Variants in BTF3 observed in about 807,000 individuals in gnomAD.
BTF3 encodes transcription factor BTF3.
A neutral mutation model predicts 23.9 loss-of-function variants in BTF3; 12 were observed. The observed-to-expected ratio is 0.50, with a 90% confidence interval of 0.32 to 0.81. BTF3 has a LOEUF of 0.81. BTF3 is among the 40% of genes least tolerant of loss of function. The pLI, the probability that BTF3 is intolerant of heterozygous loss-of-function variation, is 0.03. For synonymous variants in BTF3, 96 were observed against 94.8 expected, an observed-to-expected ratio of 1.01 and a Z score of -0.07; for missense variants, 215 against 255.9, an observed-to-expected ratio of 0.84 and a Z score of 1.09.
At chr5:73,503,607 T>C (rs1446387389) in intron 4 of BTF3, among the ~76,000 whole-genome samples, 4 of 152,204 alleles carry the variant, frequency 2.6e-5, no homozygotes, top group Non-Finnish European at 4.4e-5. Context: ...GATGTGGCAG[T>C]GTTATGCTGT....
At chr5:73,504,946 A>C in intron 5 of BTF3, 1 of 391,930 alleles carries the variant, frequency 2.6e-6, no homozygotes, top group Non-Finnish European at 4.5e-6. Flanking sequence ...GAATCCAGGA[A>C]AATTTTAACA....
chr5:73,498,447 T>C lies in BTF3; in HGVS notation c.-221T>C, dbSNP rs1746332126. 3.7e-6 allele frequency: 2 copies of C among 534,484 alleles called. No homozygotes were observed. Among genetic ancestry groups the C allele is most frequent in the Non-Finnish European group, 6.1e-6 (2 of 330,044 alleles). The allele number at this position is 534,484 out of a possible 1,614,324, so 33.1% of individuals were successfully genotyped here. A position where few individuals can be genotyped will look rare whatever the true frequency, so the allele number is the denominator to read the frequency against. On this transcript the variant is annotated 5_prime_UTR_variant, in exon 1 of 6. Coordinates refer to ENST00000380591, the MANE Select transcript of BTF3 (RefSeq NM_001037637.2). ...CCTTGTGTCACTTCCGGCCTCCCTT[T>C]AGCTGCCATCTTGCGTCCCCGCGTG...
intron 1 of BTF3, 83 bp from the exon 2 acceptor site, chr5:73,499,051 C>A: frequency 1.4e-6 from 2 of 1,420,080 alleles, no homozygotes; most frequent in East Asian, 2.3e-5. Context: ...GTTTATTTTC[C>A]TGCTGGTATC....
At chr5:73,502,158 C>CA (rs148360172) in intron 2 of BTF3, among the ~76,000 whole-genome samples, 2,463 of 76,436 alleles carry the variant, frequency 0.032, 54 homozygotes, top group African/African-American at 0.036. Context: ...GACCCTGTCT[C>CA]AAAAAAAAAA....
At chr5:73,504,267 C>G (rs201496691) in intron 4 of BTF3, 80 bp from the exon 5 acceptor site, 1 of 122,774 alleles carries the variant, frequency 8.1e-6, no homozygotes, top group Admixed American at 1.6e-4. Context: ...TTCATCTGTT[C>G]TTTTTTTTTT....
intron 2 of BTF3, among the ~76,000 whole-genome samples, chr5:73,502,047 C>G (rs1746448014): frequency 6.6e-6 from 1 of 151,350 alleles, no homozygotes; most frequent in Non-Finnish European, 1.5e-5. Context: ...GCCTGTAATC[C>G]CAGCTACTCG....
intron 4 of BTF3, 83 bp from the exon 5 acceptor site, chr5:73,504,264 G>GTTTTTTTTTT (rs1746503271): frequency 1.7e-5 from 7 of 405,970 alleles, no homozygotes; most frequent in Admixed American, 8.1e-5. Flanking sequence ...CATTTCATCT[G>GTTTTTTTTTT]TTCTTTTTTT....
intron 3 of BTF3, 50 bp downstream of exon 3, chr5:73,502,651 G>A (rs1746464599): frequency 2.2e-6 from 3 of 1,376,940 alleles, no homozygotes; most frequent in South Asian, 2.7e-5. Context: ...GCTGGGAAAA[G>A]TTAACGTTAA....
At chr5:73,498,905 C>T (rs1746360740) in intron 1 of BTF3, 106 bp downstream of exon 1, 1 of 1,440,270 alleles carries the variant, frequency 6.9e-7, no homozygotes, top group Non-Finnish European at 9.1e-7. Context: ...GGGGTAGAGC[C>T]TTTCATCCGG....
chr5:73,500,394 A>G (rs949483712), intron 2 of BTF3, among the ~76,000 whole-genome samples: 1 of 152,168 alleles, frequency 6.6e-6, no homozygotes. Context: ...TAATGTGCTT[A>G]TGTGCAGTCT....
intron 5 of BTF3, 61 bp downstream of exon 5, chr5:73,504,464 T>G (rs1242809209): frequency 2.8e-5 from 41 of 1,465,112 alleles, no homozygotes; most frequent in Non-Finnish European, 9.4e-7. Context: ...AAGAAATCTT[T>G]GTAGGAAAAA....
intron 4 of BTF3, among the ~76,000 whole-genome samples, chr5:73,503,363 T>C (rs923454636): frequency 1.2e-4 from 19 of 152,236 alleles, no homozygotes; most frequent in Non-Finnish European, 2.4e-4. Context: ...TCAGATACTT[T>C]ATTAACTAGA....
intron 5 of BTF3, among the ~76,000 whole-genome samples, 167 bp from the exon 6 acceptor site, chr5:73,505,025 G>A (rs1580359696): frequency 7.8e-6 from 1 of 128,338 alleles, no homozygotes; most frequent in Non-Finnish European, 1.6e-5. Flanking sequence ...GGAAGAGGGG[G>A]GCATTTTTTT....
rs1021093519 is a variant in BTF3, at chr5:73,504,196, A to G, written c.518-151A>G. 8.6e-6 allele frequency: 5 copies of G among 581,876 alleles called. No homozygotes were observed. The South Asian group carries it at 1.2e-4, about 14-fold the overall frequency. The allele number at this position is 581,876 out of a possible 1,614,324, so 36.0% of individuals were successfully genotyped here. On this transcript the variant is annotated intron_variant, in intron 4 of 5. Coordinates refer to ENST00000380591, the MANE Select transcript of BTF3 (RefSeq NM_001037637.2). ...ATTAGAATATCATGTTATTGATAGT[A>G]TCATAGATAAAATCCCAAATGTCCC...
chr5:73,498,619 C>T lies in BTF3; in HGVS notation c.-49C>T. 7.0e-7 allele frequency: 1 copy of T among 1,421,164 alleles called. No individual in the cohort carries two copies. The highest frequency in any genetic ancestry group is 9.1e-7 in the Non-Finnish European group (1 of 1,094,392). 88.0% of individuals were successfully genotyped at this position (1,421,164 alleles called of 1,614,324 possible). A position where few individuals can be genotyped will look rare whatever the true frequency, so the allele number is the denominator to read the frequency against. ...GACGGGAGCGGGGGCGGGAAGTTCC[C>T]TGAAGGAGCGAGACAGGGAGGGACA... is the stretch of plus-strand genomic sequence containing the variant. On this transcript the variant is annotated 5_prime_UTR_variant, in exon 1 of 6. Coordinates refer to ENST00000380591, the MANE Select transcript of BTF3 (RefSeq NM_001037637.2).
In BTF3 at chr5:73,498,492, G is replaced by T. The variant is rs1352462596; in HGVS notation, c.-176G>T. On this transcript the variant is annotated 5_prime_UTR_variant, in exon 1 of 6. Transcript: ENST00000380591. ...CGCGTGTGTGCGCCTAATCTCAGGT[G>T]GTCCACCCGAGACCCCTTGAGCACC... The T allele has an allele frequency of 2.3e-6, 2 of 855,556 alleles. No homozygotes were observed. The highest frequency in any genetic ancestry group is 3.2e-6 in the Non-Finnish European group (2 of 616,816). The allele number at this position is 855,556 out of a possible 1,614,324, so 53.0% of individuals were successfully genotyped here.
At position 73,499,382 on chromosome 5, in the gene BTF3, C is replaced by T. The variant is rs368525613; in HGVS notation, c.201+180C>T. 2.0e-5 allele frequency: 14 copies of T among 713,920 alleles called. No homozygotes were observed. The East Asian group carries it at 2.7e-4, about 14-fold the overall frequency. The allele number at this position is 713,920 out of a possible 1,614,324, so 44.2% of individuals were successfully genotyped here. A position where few individuals can be genotyped will look rare whatever the true frequency, so the allele number is the denominator to read the frequency against. ...GAGGGTTGGAGACACATCAGTGAGA[C>T]GAGCTAAAAACATCGCCTTTGTGTA... On this transcript the variant is annotated intron_variant, in intron 2 of 5. Coordinates refer to ENST00000380591, the MANE Select transcript of BTF3 (RefSeq NM_001037637.2).
intron 5 of BTF3, among the ~76,000 whole-genome samples, 156 bp from the exon 6 acceptor site, chr5:73,505,036 C>A (rs1746524729): frequency 1.2e-5 from 1 of 86,298 alleles, no homozygotes; most frequent in Admixed American, 1.5e-4. Context: ...GCATTTTTTT[C>A]ACTTTTTTTT....
At position 73,502,938 on chromosome 5, in the gene BTF3, G is replaced by C. The variant is rs1746472955; in HGVS notation, c.338G>C (p.Gly113Ala). 1.2e-6 allele frequency: 2 copies of C among 1,612,368 alleles called. No homozygotes were observed. The highest frequency in any genetic ancestry group is 1.7e-5 in the Admixed American group (1 of 59,988). ...TAGGTGAATATGTTTACAAACCAAG[G>C]AACAGTGATCCACTTTAACAACCCT... The part of the protein sequence containing the change: ...IEEVNMFTNQ[G>A]TVIHFNNPKV... The change falls in exon 4 of 6, where the codon GGA becomes GCA. Residue 113 changes from glycine (G) to alanine (A), a missense_variant. Transcript: ENST00000380591.
Sources: gnomAD v4.1 joint callset for allele counts (sites outside exome capture counted in the v4.1 genomes callset) on GRCh38, gnomAD v4.1.1 for gene constraint, MANE v1.5 for transcripts, NCBI Gene and HGNC (gene_info 2026-07-23, HGNC 2026-07-21) for gene names.